Variants in SLC7A8 observed in about 807,000 individuals in gnomAD.
SLC7A8 encodes the protein large neutral amino acids transporter small subunit 2.
SLC7A8 carries 30 observed loss-of-function variants against 51.2 expected under a neutral mutation model. The observed-to-expected ratio is 0.59, with a 90% CI of 0.44 to 0.80. SLC7A8 has a LOEUF of 0.80. SLC7A8 is among the 30% of genes least tolerant of loss of function. The pLI is 0.00. For synonymous variants in SLC7A8, 257 were observed against 275.8 expected (o/e 0.93, Z 0.67); for missense variants, 612 against 674.4 (o/e 0.91, Z 1.03).
At chr14:23,131,413 A>G (rs775364336) in intron 8 of SLC7A8, 48 bp downstream of exon 8, 3 of 1,461,974 alleles carry the variant, frequency 2.1e-6, no homozygotes, top group Admixed American at 2.2e-5. Flanking sequence ...TAGACTAGGC[A>G]CAAAGAGAGG....
At chr14:23,164,933 A>C (rs2048941311) in intron 3 of SLC7A8, among the ~76,000 whole-genome samples, 1 of 152,036 alleles carries the variant, frequency 6.6e-6, no homozygotes, top group Non-Finnish European at 1.5e-5. Flanking sequence ...TGGAGGTTGC[A>C]GTGAGTGGAG....
chr14:23,144,541 C>T (rs564779599), intron 3 of SLC7A8, among the ~76,000 whole-genome samples: 4 of 152,084 alleles, frequency 2.6e-5, no homozygotes, highest in African/African-American at 7.2e-5. Flanking sequence ...GTGGTGTGGT[C>T]GCTCTGACTT....
rs1291585704 is a variant in SLC7A8, at chr14:23,182,817, C to G, written c.98G>C (p.Gly33Ala). 1.9e-6 allele frequency: 3 copies of G among 1,613,554 alleles called. No homozygotes were observed. The highest frequency in any genetic ancestry group is 2.5e-6 in the Non-Finnish European group (3 of 1,179,778). ...ASPEAGSGGG[G>A]VALKKEIGLV... ...TCCGATCTCTTTCTTCAGGGCTACT[C>G]CGCCCCCTCCGGAACCAGCCTCGGG... is the stretch of plus-strand genomic sequence containing the variant. The change falls in exon 1 of 11, where the codon GGA (glycine) becomes GCA (alanine). Residue 33 changes from glycine to alanine, a missense_variant. Transcript: ENST00000316902.
At chr14:23,164,911 G>C (rs542447680) in intron 3 of SLC7A8, among the ~76,000 whole-genome samples, 1 of 152,110 alleles carries the variant, frequency 6.6e-6, no homozygotes, top group East Asian at 1.9e-4. Flanking sequence ...AGAATCACTT[G>C]AATCTGGGAG....
At chr14:23,173,351 C>T (rs1452623251) in intron 1 of SLC7A8, among the ~76,000 whole-genome samples, 1 of 152,190 alleles carries the variant, frequency 6.6e-6, no homozygotes, top group African/African-American at 2.4e-5. Context: ...AGGGGAGTGT[C>T]AGACTGATGC....
intron 3 of SLC7A8, among the ~76,000 whole-genome samples, chr14:23,150,382 TG>T (rs2048835669): frequency 6.6e-6 from 1 of 151,992 alleles, no homozygotes. Context: ...AGGTGTGAAG[TG>T]GTAAGAATGG....
intron 3 of SLC7A8, among the ~76,000 whole-genome samples, chr14:23,163,815 C>A (rs2048935890): frequency 6.6e-6 from 1 of 152,086 alleles, no homozygotes; most frequent in South Asian, 2.1e-4. Flanking sequence ...TACCCCAATC[C>A]ATTGAGATGA....
Position 23,127,356 on chromosome 14 carries a change from A to G in SLC7A8, c.1442-13T>C. The G allele has an allele frequency of 6.2e-7, 1 of 1,612,516 alleles. No homozygotes were observed. The highest frequency in any genetic ancestry group is 1.1e-5 in the South Asian group (1 of 91,032). On this transcript the variant is annotated splice_polypyrimidine_tract_variant and intron_variant, in intron 10 of 10. Transcript: ENST00000316902. ...AGGGTTAGCAGCTCTGTAGGAAGAG[A>G]TCACACAGAAACCAGGCCAATGCTG...
intron 1 of SLC7A8, among the ~76,000 whole-genome samples, chr14:23,173,446 G>A (rs968770254): frequency 6.6e-6 from 1 of 152,128 alleles, no homozygotes; most frequent in Non-Finnish European, 1.5e-5. Flanking sequence ...GGCCTGAAAT[G>A]GTCAGTCTTC....
intron 3 of SLC7A8, among the ~76,000 whole-genome samples, chr14:23,157,082 G>T (rs2048897993): frequency 1.3e-5 from 2 of 152,220 alleles, no homozygotes; most frequent in African/African-American, 4.8e-5. Flanking sequence ...AGAGTGAGTA[G>T]AAAGGGTGAC....
chr14:23,127,971 T>G, intron 10 of SLC7A8, 48 bp downstream of exon 10: 1 of 1,567,964 alleles, frequency 6.4e-7, no homozygotes. Flanking sequence ...GACCACTGCA[T>G]TCCAGCCCAG....
chr14:23,148,183 CTA>C (rs1435119334), intron 3 of SLC7A8, among the ~76,000 whole-genome samples: 4 of 152,080 alleles, frequency 2.6e-5, no homozygotes, highest in Admixed American at 6.6e-5. Flanking sequence ...AGATTTGTGA[CTA>C]TGTTTTTTAA....
In SLC7A8 at chr14:23,155,579, C is replaced by T. The variant is rs565345108; in HGVS notation, c.508+9706G>A. 77 of 1,005,836 alleles carry T rather than the reference C, an allele frequency of 7.7e-5. No homozygotes were observed. In the African/African-American group the frequency reaches 9.0e-4, roughly 12 times the overall value. 62.3% of individuals were successfully genotyped at this position (1,005,836 alleles called of 1,614,324 possible). On this transcript the variant is annotated intron_variant, in intron 3 of 10. Coordinates refer to ENST00000316902, the MANE Select transcript of SLC7A8 (RefSeq NM_012244.4). ...TCAGCTGGCCTGGATCGGGGAGAAG[C>T]GAAAAACTGGACACCAAGAAATCCA... is the stretch of plus-strand genomic sequence containing the variant.
intron 3 of SLC7A8, chr14:23,155,186 A>T (rs745916870): frequency 9.1e-6 from 14 of 1,535,738 alleles, no homozygotes. Context: ...AAATCTCGGA[A>T]CCCCCTCCAA....
intron 3 of SLC7A8, among the ~76,000 whole-genome samples, chr14:23,147,985 G>T (rs12588118): frequency 2.6e-5 from 4 of 152,026 alleles, no homozygotes; most frequent in South Asian, 2.1e-4. Flanking sequence ...CACTGTGGAG[G>T]GCTGGGTTCC....
chr14:23,178,885 CAAA>C (rs386380884), intron 1 of SLC7A8, among the ~76,000 whole-genome samples: 8 of 78,714 alleles, frequency 1.0e-4, no homozygotes, highest in South Asian at 4.3e-4. Context: ...ATCTTGTCTC[CAAA>C]AAAAAAAAAA....
intron 3 of SLC7A8, chr14:23,155,136 C>G: frequency 6.5e-7 from 1 of 1,531,210 alleles, no homozygotes; most frequent in Non-Finnish European, 8.8e-7. Context: ...ATTTCCCCTT[C>G]TCCAGCCCTT....
At chr14:23,155,474 G>A in intron 3 of SLC7A8, 1 of 1,413,338 alleles carries the variant, frequency 7.1e-7, no homozygotes, top group African/African-American at 1.5e-5. Context: ...ATTTAGCTCA[G>A]CCAAGAGGCA....
At chr14:23,142,732 G>A (rs1309652682) in intron 4 of SLC7A8, among the ~76,000 whole-genome samples, 1 of 152,088 alleles carries the variant, frequency 6.6e-6, no homozygotes, top group Non-Finnish European at 1.5e-5. Context: ...AAACTCCTGG[G>A]CTCAAGTGAT....
Sources: allele counts gnomAD v4.1 joint callset (sites outside exome capture counted in the v4.1 genomes callset), GRCh38; gene constraint gnomAD v4.1.1; transcripts MANE v1.5; gene names NCBI Gene and HGNC (gene_info 2026-07-23, HGNC 2026-07-21).